The following SNTB1 variants were observed in gnomAD, a reference collection of about 807,000 sequenced individuals.
The protein encoded by SNTB1 is syntrophin beta 1.
In SNTB1, 36 loss-of-function variants were observed where a neutral mutation model predicts 48.9. That is an observed-to-expected ratio of 0.74 (90% CI 0.56 to 0.97). The LOEUF (loss-of-function observed/expected upper bound fraction) is 0.97, where lower values mean the gene tolerates loss of function less well. Ranked by LOEUF, SNTB1 falls within the 50% of genes least tolerant of loss-of-function variation. The pLI, the probability that SNTB1 is intolerant of heterozygous loss-of-function variation, is 0.00. For missense variants in SNTB1, 786 were observed against 703.4 expected (o/e 1.12, Z -1.33); for synonymous variants, 299 against 294.6 (o/e 1.01, Z -0.15).
At chr8:120,732,531 A>AC (rs1818869583) in intron 1 of SNTB1, among the ~76,000 whole-genome samples, 1 of 152,254 alleles carries the variant, frequency 6.6e-6, no homozygotes, top group African/African-American at 2.4e-5. Context: ...GAAATATTCT[A>AC]TAAATAGGTA....
At position 120,548,943 on chromosome 8, in the gene SNTB1, A is replaced by G. The variant is rs1220793306; in HGVS notation, c.1152T>C (p.Gly384=). ...PLLATRLVHS[G]PGKGSPQAGV... is the part of the protein sequence containing the mutation. ...CAGCCTGGGGTGATCCCTTTCCTGG[A>G]CCTGAATGGACCAGCCTGGAGAGAG... The change falls in exon 5 of 7, where the codon GGT becomes GGC. Residue 384 remains glycine, a synonymous_variant. Coordinates refer to ENST00000517992, the MANE Select transcript of SNTB1 (RefSeq NM_021021.4). 6.3e-7 allele frequency: 1 copy of G among 1,585,530 alleles called. No homozygotes were observed. The highest frequency in any genetic ancestry group is 8.6e-7 in the Non-Finnish European group (1 of 1,167,096).
At chr8:120,690,037 T>G (rs1423962967) in intron 2 of SNTB1, among the ~76,000 whole-genome samples, 4 of 151,810 alleles carry the variant, frequency 2.6e-5, no homozygotes, top group Non-Finnish European at 4.4e-5. Context: ...TGGTTCCACT[T>G]TCCATGGTTT....
intron 1 of SNTB1, among the ~76,000 whole-genome samples, chr8:120,738,545 T>TTCCTTCCTTCCTTCCTTCC (rs1818987965): frequency 7.4e-6 from 1 of 135,728 alleles, no homozygotes. Flanking sequence ...TCCTTCCTTC[T>TTCCTTCCTTCCTTCCTTCC]TTCCTTCCTT....
intron 1 of SNTB1, among the ~76,000 whole-genome samples, chr8:120,754,539 T>C (rs1418245660): frequency 6.6e-6 from 1 of 152,130 alleles, no homozygotes; most frequent in Non-Finnish European, 1.5e-5. Context: ...AGATTCCTTG[T>C]CTAAGTCTCA....
chr8:120,576,994 G>T (rs1815962572), intron 3 of SNTB1, among the ~76,000 whole-genome samples: 1 of 152,144 alleles, frequency 6.6e-6, no homozygotes, highest in South Asian at 2.1e-4. Flanking sequence ...TGGGGAAATT[G>T]TGTCAGACAC....
intron 5 of SNTB1, among the ~76,000 whole-genome samples, chr8:120,543,830 C>G (rs769255022): frequency 1.3e-5 from 2 of 152,190 alleles, no homozygotes; most frequent in Non-Finnish European, 1.5e-5. Flanking sequence ...TTTCATCTAA[C>G]AGGTCTATAA....
In SNTB1 at chr8:120,659,216, G is replaced by A. The variant is rs1229877811; in HGVS notation, c.789-26565C>T. Among the ~76,000 whole-genome samples, 6 of 152,058 alleles carry A rather than the reference G, an allele frequency of 3.9e-5. No homozygotes were observed. The South Asian group carries it at 1.2e-3, about 32-fold the overall frequency. On this transcript the variant is annotated intron_variant, in intron 2 of 6. Transcript: ENST00000517992. ...TGAACTCAAGCAATCCACCTGCTTC[G>A]GCCTCCCAAAGTGTTGAGATTACAG...
At chr8:120,738,507 T>C (rs1405637502) in intron 1 of SNTB1, among the ~76,000 whole-genome samples, 1 of 150,278 alleles carries the variant, frequency 6.7e-6, no homozygotes, top group Admixed American at 6.7e-5. Flanking sequence ...GAGAGGCTCA[T>C]TGACCTTTTC....
At chr8:120,547,815 T>C (rs936595325) in intron 5 of SNTB1, among the ~76,000 whole-genome samples, 1 of 152,136 alleles carries the variant, frequency 6.6e-6, no homozygotes, top group Non-Finnish European at 1.5e-5. Context: ...TGCCTCTTCA[T>C]TCACACCAGG....
intron 3 of SNTB1, among the ~76,000 whole-genome samples, chr8:120,629,775 A>G (rs1265597582): frequency 1.3e-5 from 2 of 152,234 alleles, no homozygotes; most frequent in Non-Finnish European, 2.9e-5. Flanking sequence ...ATCCATGATC[A>G]TTATTGCTCT....
chr8:120,572,558 T>G (rs1314286495), intron 4 of SNTB1, among the ~76,000 whole-genome samples: 1 of 152,074 alleles, frequency 6.6e-6, no homozygotes, highest in East Asian at 1.9e-4. Context: ...GATATAAGCT[T>G]TCAAAGAGGG....
intron 1 of SNTB1, among the ~76,000 whole-genome samples, chr8:120,783,948 G>A (rs1368665524): frequency 1.3e-5 from 2 of 152,030 alleles, no homozygotes; most frequent in Non-Finnish European, 2.9e-5. Context: ...GAAAGTATAT[G>A]GGAAAATGTG....
In SNTB1 at chr8:120,632,635, A is replaced by C; in HGVS notation, c.805T>G (p.Ser269Ala). The C allele has an allele frequency of 6.2e-7, 1 of 1,614,030 alleles. No individual in the cohort carries two copies. Among genetic ancestry groups the C allele is most frequent in the Admixed American group, 1.7e-5 (1 of 60,008 alleles). Reference sequence around the variant, plus strand: ...ATCACCGTGTGCTTAGCATCTGGAGAGTGGATTTCAAGCTGCCTAGAGGAG... The same window carrying C: ...ATCACCGTGTGCTTAGCATCTGGAGCGTGGATTTCAAGCTGCCTAGAGGAG... ...DPENRQLEIH[S>A]PDAKHTVILR... The change falls in exon 3 of 7, where the codon TCT becomes GCT. Residue 269 changes from serine to alanine, a missense_variant. By Grantham distance (99) the Ser-to-Ala change is moderately conservative (BLOSUM62 1). Coordinates refer to ENST00000517992, the MANE Select transcript of SNTB1 (RefSeq NM_021021.4).
intron 3 of SNTB1, among the ~76,000 whole-genome samples, chr8:120,598,471 C>T (rs1330031162): frequency 6.6e-6 from 1 of 152,174 alleles, no homozygotes; most frequent in Non-Finnish European, 1.5e-5. Context: ...TACATTTACT[C>T]TGTGCTAAGT....
intron 1 of SNTB1, among the ~76,000 whole-genome samples, chr8:120,747,333 C>T (rs1181037734): frequency 1.3e-5 from 2 of 152,132 alleles, no homozygotes; most frequent in African/African-American, 4.8e-5. Context: ...GTCTGTCGCC[C>T]AGGCTGGAGT....
intron 1 of SNTB1, among the ~76,000 whole-genome samples, chr8:120,756,019 C>T (rs1157638021): frequency 6.6e-6 from 1 of 152,120 alleles, no homozygotes; most frequent in Non-Finnish European, 1.5e-5. Flanking sequence ...ATCAACGGTG[C>T]ATCATCTCCA....
At chr8:120,550,123 CTTG>C (rs1343002916) in intron 4 of SNTB1, among the ~76,000 whole-genome samples, 8 of 152,262 alleles carry the variant, frequency 5.3e-5, no homozygotes, top group African/African-American at 1.9e-4. Flanking sequence ...TGGCAACAAG[CTTG>C]TTGTATAACT....
chr8:120,580,434 G>T (rs913285634), intron 3 of SNTB1, among the ~76,000 whole-genome samples: 1 of 152,194 alleles, frequency 6.6e-6, no homozygotes, highest in African/African-American at 2.4e-5. Context: ...AGGATCAAAT[G>T]AGACAATGTA....
chr8:120,562,167 C>T (rs138946432), intron 4 of SNTB1, among the ~76,000 whole-genome samples: 334 of 152,298 alleles, frequency 2.2e-3, no homozygotes, highest in African/African-American at 7.6e-3. Context: ...TTAACAATTG[C>T]TAACATTTAT....
Sources: gnomAD v4.1 joint callset for allele counts (sites outside exome capture counted in the v4.1 genomes callset) on GRCh38, gnomAD v4.1.1 for gene constraint, MANE v1.5 for transcripts, NCBI Gene and HGNC (gene_info 2026-07-23, HGNC 2026-07-21) for gene names.